The following GALNTL6 variants were observed in gnomAD, a reference collection of about 807,000 sequenced individuals.
GALNTL6 encodes polypeptide N-acetylgalactosaminyltransferase-like 6.
A neutral mutation model predicts 73.7 loss-of-function variants in GALNTL6; 46 were observed. The ratio of observed to expected loss-of-function variants is 0.62; its 90% CI spans 0.49 to 0.80. The LOEUF (loss-of-function observed/expected upper bound fraction) is 0.80. GALNTL6 is among the 30% of genes least tolerant of loss of function. GALNTL6 has a pLI of 0.00. For synonymous variants in GALNTL6, 259 were observed against 263.7 expected, an observed-to-expected ratio of 0.98 and a Z score of 0.17; for missense variants, 604 against 755.0, an observed-to-expected ratio of 0.80 and a Z score of 2.34.
intron 12 of GALNTL6, among the ~76,000 whole-genome samples, chr4:173,027,262 C>T (rs1426437483): frequency 6.6e-6 from 1 of 152,150 alleles, no homozygotes; most frequent in Non-Finnish European, 1.5e-5. Flanking sequence ...GGATTACAGG[C>T]GTGAGCCACC....
chr4:172,294,743 C>T (rs1335406393), intron 3 of GALNTL6, among the ~76,000 whole-genome samples: 7 of 152,062 alleles, frequency 4.6e-5, no homozygotes, highest in Non-Finnish European at 8.8e-5. Flanking sequence ...TAAGATTCAA[C>T]ATGATTAAAA....
chr4:172,001,651 C>T (rs17057851), intron 2 of GALNTL6, among the ~76,000 whole-genome samples: 4,769 of 152,056 alleles, frequency 0.031, 253 homozygotes, highest in African/African-American at 0.11. Flanking sequence ...TTTGCTTGCC[C>T]GAACCTCCCT....
intron 2 of GALNTL6, among the ~76,000 whole-genome samples, chr4:171,924,199 C>T (rs1375218184): frequency 6.6e-6 from 1 of 150,466 alleles, no homozygotes; most frequent in Admixed American, 6.6e-5. Context: ...CACACACACA[C>T]ACACACACAC....
chr4:172,891,483 A>G (rs1158465212), intron 8 of GALNTL6, among the ~76,000 whole-genome samples: 1 of 152,136 alleles, frequency 6.6e-6, no homozygotes. Context: ...TATGCCTCCA[A>G]TCTCTGACTT....
chr4:173,025,559 C>T (rs192693630), intron 12 of GALNTL6, among the ~76,000 whole-genome samples: 449 of 152,296 alleles, frequency 2.9e-3, no homozygotes, highest in Non-Finnish European at 4.2e-3. Context: ...GGCTGCCCTG[C>T]TTCCTGTCTT....
At position 172,558,945 on chromosome 4, in the gene GALNTL6, A is replaced by G. The variant is rs544526861; in HGVS notation, c.553+210256A>G. On this transcript the variant is annotated intron_variant, in intron 5 of 12. Transcript: ENST00000506823. ...ACCCTCTGGTGCCATTTGTTTATTC[A>G]GTGCTTTTTGTCATGGAGTAAAATC... 2.0e-5 allele frequency among the ~76,000 whole-genome samples: 3 copies of G among 151,752 alleles called. No homozygotes were observed. In the South Asian group the frequency reaches 6.2e-4, roughly 32 times the overall value.
At chr4:172,257,249 A>G (rs2111028104) in intron 3 of GALNTL6, among the ~76,000 whole-genome samples, 1 of 151,456 alleles carries the variant, frequency 6.6e-6, no homozygotes, top group East Asian at 1.9e-4. Flanking sequence ...TGGCTATCTG[A>G]AAGAATATAG....
chr4:171,882,447 G>C lies in GALNTL6; in HGVS notation c.138+67729G>C, dbSNP rs142711459. On this transcript the variant is annotated intron_variant, in intron 2 of 12. Coordinates refer to ENST00000506823, the MANE Select transcript of GALNTL6 (RefSeq NM_001034845.3). ...GCAGAATTGACTCACACATTCACAA[G>C]GTAAAGTCCCATGATAGGCAGTCTG... is the stretch of plus-strand genomic sequence containing the variant. 1.6e-3 allele frequency among the ~76,000 whole-genome samples: 238 copies of C among 152,308 alleles called. 1 individual carries two copies. Among genetic ancestry groups the C allele is most frequent in the Non-Finnish European group, 2.7e-3 (187 of 68,018 alleles).
intron 2 of GALNTL6, among the ~76,000 whole-genome samples, chr4:172,181,534 G>T (rs941782571): frequency 6.6e-6 from 1 of 152,072 alleles, no homozygotes; most frequent in African/African-American, 2.4e-5. Flanking sequence ...TTGAAAACCG[G>T]CACAAGACAA....
chr4:173,037,355 C>G (rs1253397291), intron 12 of GALNTL6, among the ~76,000 whole-genome samples: 3 of 152,208 alleles, frequency 2.0e-5, no homozygotes, highest in Non-Finnish European at 4.4e-5. Flanking sequence ...ACTGATGAAG[C>G]TTCTCAGACA....
chr4:172,939,047 T>TA (rs2111340992), intron 9 of GALNTL6, among the ~76,000 whole-genome samples: 1 of 152,336 alleles, frequency 6.6e-6, no homozygotes, highest in South Asian at 2.1e-4. Flanking sequence ...CTCATGCCTG[T>TA]AATCCCAGTG....
At chr4:172,066,550 T>A (rs1248719696) in intron 2 of GALNTL6, among the ~76,000 whole-genome samples, 4 of 151,320 alleles carry the variant, frequency 2.6e-5, no homozygotes, top group East Asian at 2.0e-4. Context: ...TTTTTTTTTT[T>A]AATTTCCTGT....
chr4:172,366,922 T>G (rs1019296132), intron 5 of GALNTL6, among the ~76,000 whole-genome samples: 1 of 152,228 alleles, frequency 6.6e-6, no homozygotes, highest in Non-Finnish European at 1.5e-5. Context: ...ACAAAATTAC[T>G]GCTAATTAAT....
chr4:172,726,606 A>C (rs1023144782), intron 5 of GALNTL6, among the ~76,000 whole-genome samples: 1 of 152,186 alleles, frequency 6.6e-6, no homozygotes, highest in African/African-American at 2.4e-5. Context: ...TTATAAGATG[A>C]TTATACTCTG....
chr4:171,996,608 T>G (rs1048730468), intron 2 of GALNTL6, among the ~76,000 whole-genome samples: 4 of 151,880 alleles, frequency 2.6e-5, no homozygotes, highest in Non-Finnish European at 5.9e-5. Context: ...ATTATTTTAC[T>G]ATTATTATAT....
At chr4:171,856,106 A>T (rs994392048) in intron 2 of GALNTL6, among the ~76,000 whole-genome samples, 3 of 151,688 alleles carry the variant, frequency 2.0e-5, no homozygotes, top group Admixed American at 6.6e-5. Flanking sequence ...TTGTTGTTGT[A>T]GTTGTTGTTG....
intron 2 of GALNTL6, among the ~76,000 whole-genome samples, chr4:172,226,557 C>G (rs1736872826): frequency 6.8e-6 from 1 of 146,494 alleles, no homozygotes; most frequent in Admixed American, 6.9e-5. Flanking sequence ...GAAAGAAGTT[C>G]TGTGTGTGTG....
rs1278053721 is a variant in GALNTL6 at position 172,507,058 on chromosome 4, A to C, written c.553+158369A>C. On this transcript the variant is annotated intron_variant, in intron 5 of 12. Coordinates refer to ENST00000506823, the MANE Select transcript of GALNTL6 (RefSeq NM_001034845.3). ...TCGCTATGCAGAAATATGATTGAAC[A>C]AAAAGGGTACGATCTAATGCTAACA... Among the ~76,000 whole-genome samples, 2 of 55,764 alleles carry C rather than the reference A, an allele frequency of 3.6e-5. 1 individual carries two copies. Among genetic ancestry groups the C allele is most frequent in the Non-Finnish European group, 8.3e-5 (2 of 24,050 alleles). The allele number at this position is 55,764 out of a possible 152,430, so 36.6% of individuals were successfully genotyped here.
chr4:171,859,054 C>T lies in GALNTL6; in HGVS notation c.138+44336C>T, dbSNP rs189520431. Among the ~76,000 whole-genome samples, 1,331 of 152,224 alleles carry T rather than the reference C, an allele frequency of 8.7e-3. 20 individuals are homozygous for T. The highest frequency in any genetic ancestry group is 0.031 in the African/African-American group (1,273 of 41,538). On this transcript the variant is annotated intron_variant, in intron 2 of 12. Coordinates refer to ENST00000506823, the MANE Select transcript of GALNTL6 (RefSeq NM_001034845.3). ...CCATGTAAATGCTAATGTGTCTCTT[C>T]ATAATTCAGTTCTACTCAGGAACTT...
Sources: gnomAD v4.1 joint callset for allele counts (sites outside exome capture counted in the v4.1 genomes callset) on GRCh38, gnomAD v4.1.1 for gene constraint, MANE v1.5 for transcripts, NCBI Gene and HGNC (gene_info 2026-07-23, HGNC 2026-07-21) for gene names.